Variants in INO80 observed in about 807,000 individuals in gnomAD.
INO80 encodes the protein INO80 complex ATPase subunit.
A neutral mutation model predicts 203.4 loss-of-function variants in INO80; 20 were observed. The observed-to-expected ratio is 0.10, with a 90% CI of 0.07 to 0.14. The LOEUF (loss-of-function observed/expected upper bound fraction) is 0.14, where lower values mean the gene tolerates loss of function less well. Ranked by LOEUF, INO80 falls within the 10% of genes least tolerant of loss-of-function variation. The pLI is 1.00. For missense variants in INO80, 1,419 were observed against 1,914.4 expected, an observed-to-expected ratio of 0.74 and a Z score of 4.83; for synonymous variants, 726 against 685.2, an observed-to-expected ratio of 1.06 and a Z score of -0.93.
chr15:41,091,050 G>T (rs769690280), intron 5 of INO80, among the ~76,000 whole-genome samples: 5 of 151,240 alleles, frequency 3.3e-5, no homozygotes, highest in Non-Finnish European at 7.4e-5. Flanking sequence ...TCAGCCTCCT[G>T]AGTACCTGGG....
intron 1 of INO80, among the ~76,000 whole-genome samples, chr15:41,098,245 G>GT (rs1410355655): frequency 2.0e-5 from 3 of 152,056 alleles, no homozygotes; most frequent in Admixed American, 2.0e-4. Flanking sequence ...CTAAAACAGT[G>GT]TAACTTCTAG....
Position 41,071,024 on chromosome 15 carries a change from T to C in INO80, c.1606-477A>G, listed in dbSNP as rs181641745. Among the ~76,000 whole-genome samples, 409 of 152,022 alleles carry C rather than the reference T, an allele frequency of 2.7e-3. 3 individuals carry two copies. Among genetic ancestry groups the C allele is most frequent in the South Asian group, 0.013 (62 of 4,806 alleles). On this transcript the variant is annotated intron_variant, in intron 12 of 35. Transcript: ENST00000648947. ...TTTCTACAAAAAATACAAAAATTAG[T>C]CAGGCGTGGTGGCATGTGTCTGCAG...
rs141880510 is a variant in INO80, at chr15:41,020,961, C to T, written c.3213G>A (p.Glu1071=). The T allele has an allele frequency of 3.7e-5, 59 of 1,614,036 alleles. No individual in the cohort carries two copies. The highest frequency in any genetic ancestry group is 2.2e-5 in the East Asian group (1 of 44,896). The change falls in exon 26 of 36, where the codon GAG becomes GAA. Residue 1071 remains glutamate (E), a synonymous_variant. Transcript: ENST00000648947. Reference sequence around the variant, plus strand: ...TGATGCTCCACAGACCTCCAGCTGGCTCTGGGAAGAACTGTGATCGTCTAT... The same window carrying T: ...TGATGCTCCACAGACCTCCAGCTGGTTCTGGGAAGAACTGTGATCGTCTAT... ...WLNRRSQFFP[E]PAGGLWSIRP...
chr15:41,049,371 A>T lies in INO80; in HGVS notation c.2492T>A (p.Phe831Tyr), dbSNP rs2044825166. Residue 831 changes from phenylalanine to tyrosine, a missense_variant, in exon 21 of 36, where the codon TTT (phenylalanine) becomes TAT (tyrosine). Phe to Tyr is a conservative substitution (Grantham distance 22). Transcript: ENST00000648947. ...LFERQETWSP[F>Y]HISLKPYHIS... is the part of the protein sequence containing the mutation. ...GTGGTATGGCTTTAGGGAAATATGA[A>T]ATGGAGACCAAGTTTCTTGCCGTTC... The T allele has an allele frequency of 6.2e-7, 1 of 1,613,884 alleles. No homozygotes were observed. The highest frequency in any genetic ancestry group is 8.5e-7 in the Non-Finnish European group (1 of 1,179,760).
rs544137567 is a variant in INO80, at chr15:41,107,108, C to A, written c.-44+8865G>T. Among the ~76,000 whole-genome samples, 42 of 152,352 alleles carry A rather than the reference C, an allele frequency of 2.8e-4. No individual in the cohort carries two copies. In the South Asian group the frequency reaches 8.7e-3, roughly 32 times the overall value. ...CCTCCCGTTTAGCAAGGTTGTTTCA[C>A]ACATTTGTGATACAGTTAGTTTCTC... is the stretch of plus-strand genomic sequence containing the variant. On this transcript the variant is annotated intron_variant, in intron 1 of 35. Coordinates refer to ENST00000648947, the MANE Select transcript of INO80 (RefSeq NM_017553.3).
At chr15:41,038,674 T>G (rs2044619447) in intron 24 of INO80, among the ~76,000 whole-genome samples, 1 of 152,212 alleles carries the variant, frequency 6.6e-6, no homozygotes, top group South Asian at 2.1e-4. Flanking sequence ...TTGATCCCTT[T>G]TCTATAATCT....
Position 41,047,467 on chromosome 15 carries a change from G to C in INO80, c.2676C>G (p.Arg892=), listed in dbSNP as rs768908828. 1.2e-6 allele frequency: 2 copies of C among 1,612,340 alleles called. No homozygotes were observed. The highest frequency in any genetic ancestry group is 2.7e-5 in the African/African-American group (2 of 74,832). Residue 892 remains arginine (R), a synonymous_variant, in exon 23 of 36, where the codon CGC becomes CGG. Coordinates refer to ENST00000648947, the MANE Select transcript of INO80 (RefSeq NM_017553.3). ...TTTCTGCTGGAGATATATCAATAAAGCGAAGGAAAGAGAAACAGCTTTCTT... is the reference window on the plus strand; with the variant it reads ...TTTCTGCTGGAGATATATCAATAAACCGAAGGAAAGAGAAACAGCTTTCTT... ...INEESCFSFL[R]FIDISPAEMA... is the part of the protein sequence containing the mutation.
At chr15:41,088,262 G>A (rs1272221337) in intron 5 of INO80, among the ~76,000 whole-genome samples, 1 of 151,702 alleles carries the variant, frequency 6.6e-6, no homozygotes, top group Non-Finnish European at 1.5e-5. Context: ...GCTGATTTTT[G>A]TATTTTTAGT....
At chr15:40,987,035 T>C in intron 31 of INO80, 56 bp downstream of exon 31, 2 of 1,024,092 alleles carry the variant, frequency 2.0e-6, no homozygotes, top group East Asian at 2.4e-5. Context: ...CACAGCCAAG[T>C]ACCTCTTCCA....
At chr15:40,985,503 A>C (rs1179519578) in intron 31 of INO80, 77 bp from the exon 32 acceptor site, 1 of 1,007,914 alleles carries the variant, frequency 9.9e-7, no homozygotes, top group Non-Finnish European at 1.6e-6. Context: ...TAAGGTGGCC[A>C]TATCCCCTGA....
At chr15:41,048,080 T>C (rs920639028) in intron 22 of INO80, 132 bp downstream of exon 22, 5 of 573,934 alleles carry the variant, frequency 8.7e-6, no homozygotes, top group Non-Finnish European at 1.5e-5. Flanking sequence ...TTAAATCTTA[T>C]CAAGATTTTA....
intron 5 of INO80, 86 bp from the exon 6 acceptor site, chr15:41,087,768 A>T: frequency 5.2e-6 from 7 of 1,338,650 alleles, no homozygotes; most frequent in South Asian, 1.4e-5. Context: ...AGCCAGAGGA[A>T]ATCATAGCTC....
chr15:41,002,437 T>C (rs2043971063), intron 28 of INO80, among the ~76,000 whole-genome samples: 2 of 152,188 alleles, frequency 1.3e-5, no homozygotes, highest in African/African-American at 4.8e-5. Context: ...TCCTGATTTT[T>C]TTCCACCACA....
chr15:41,050,646 A>G (rs1380817851), intron 19 of INO80, among the ~76,000 whole-genome samples: 2 of 151,950 alleles, frequency 1.3e-5, no homozygotes, highest in Non-Finnish European at 2.9e-5. Flanking sequence ...AACCATACCC[A>G]TTGCCCTACT....
At chr15:41,069,728 T>C (rs2045281054) in intron 13 of INO80, 63 bp from the exon 14 acceptor site, 6 of 906,882 alleles carry the variant, frequency 6.6e-6, no homozygotes, top group Admixed American at 2.4e-5. Context: ...TTCAAAATTA[T>C]AATTAATGAC....
rs796081701 is a variant in INO80 at position 41,089,743 on chromosome 15, C to CA, written c.538-2062dup. Among the ~76,000 whole-genome samples the CA allele has an allele frequency of 5.4e-3, 608 of 112,882 alleles. 2 individuals are homozygous for CA. Among genetic ancestry groups the CA allele is most frequent in the East Asian group, 0.031 (125 of 4,032 alleles). 74.1% of individuals were successfully genotyped at this position (112,882 alleles called of 152,430 possible). On this transcript the variant is annotated intron_variant, in intron 5 of 35. Transcript: ENST00000648947. ...GGGCAACAAAAGTGAAACTCAATCT[C>CA]AAAAAAAAAAAAAAAGAAAGAAAGA...
chr15:41,048,316 T>A (rs779553292), intron 21 of INO80, 40 bp from the exon 22 acceptor site: 1 of 1,486,490 alleles, frequency 6.7e-7, no homozygotes, highest in African/African-American at 1.4e-5. Flanking sequence ...AACCCAAACA[T>A]AAATAATGGA....
At chr15:41,045,147 G>T in intron 23 of INO80, 72 bp from the exon 24 acceptor site, 1 of 1,168,718 alleles carries the variant, frequency 8.6e-7, no homozygotes, top group Non-Finnish European at 1.2e-6. Context: ...TAGCAGCAAG[G>T]ATTGTCTCTC....
intron 1 of INO80, among the ~76,000 whole-genome samples, chr15:41,111,141 G>C (rs151009571): frequency 6.6e-6 from 1 of 152,158 alleles, no homozygotes; most frequent in Non-Finnish European, 1.5e-5. Context: ...ATAAAGAATA[G>C]TTAACGCTTA....
Sources: allele counts gnomAD v4.1 joint callset (sites outside exome capture counted in the v4.1 genomes callset), GRCh38; gene constraint gnomAD v4.1.1; transcripts MANE v1.5; gene names NCBI Gene and HGNC (gene_info 2026-07-23, HGNC 2026-07-21).